Variants in MEGF6 observed in about 807,000 individuals in gnomAD.
The protein encoded by MEGF6 is multiple EGF like domains 6.
In MEGF6, 184 loss-of-function variants were observed where a neutral mutation model predicts 207.1. The ratio of observed to expected loss-of-function variants is 0.89; its 90% confidence interval spans 0.79 to 1.00. The LOEUF (loss-of-function observed/expected upper bound fraction) is 1.00. Ranked by LOEUF, MEGF6 falls within the 50% of genes least tolerant of loss-of-function variation. MEGF6 has a pLI of 0.00. For missense variants in MEGF6, 2,282 were observed against 2,202.9 expected (o/e 1.04, Z -0.72); for synonymous variants, 1,038 against 910.0 (o/e 1.14, Z -2.53).
At chr1:3,540,306 C>T (rs959549632) in intron 4 of MEGF6, among the ~76,000 whole-genome samples, 5 of 152,232 alleles carry the variant, frequency 3.3e-5, no homozygotes, top group Admixed American at 1.3e-4. Flanking sequence ...GACGCCCTGT[C>T]GGAAATGCTG....
In MEGF6 at chr1:3,607,989, G is replaced by C. The variant is rs377138409; in HGVS notation, c.131+3149C>G. Among the ~76,000 whole-genome samples, 145 of 152,260 alleles carry C rather than the reference G, an allele frequency of 9.5e-4. 1 individual carries two copies. Among genetic ancestry groups the C allele is most frequent in the African/African-American group, 3.4e-3 (140 of 41,558 alleles). On this transcript the variant is annotated intron_variant, in intron 1 of 36. Coordinates refer to ENST00000356575, the MANE Select transcript of MEGF6 (RefSeq NM_001409.4). Reference sequence around the variant, plus strand: ...CCTGGCTCAGCTCCCCAGCCTGGCTGAATGCAGCCCCTGAACAAACCCCTG... The same window carrying C: ...CCTGGCTCAGCTCCCCAGCCTGGCTCAATGCAGCCCCTGAACAAACCCCTG...
rs60571313 is a variant in MEGF6, at chr1:3,544,488, T to G, written c.482-20242A>C. On this transcript the variant is annotated intron_variant, in intron 4 of 36. Transcript: ENST00000356575. ...TGGCCTGGGTCAGTGGAGCTCCTCC[T>G]AGGAGGGACCCCCACGCAGCATCCT... is the stretch of plus-strand genomic sequence containing the variant. Among the ~76,000 whole-genome samples, 287 of 152,174 alleles carry G rather than the reference T, an allele frequency of 1.9e-3. 1 individual carries two copies. Among genetic ancestry groups the G allele is most frequent in the African/African-American group, 6.6e-3 (276 of 41,540 alleles).
rs185149696 is a variant in MEGF6 at position 3,541,768 on chromosome 1, C to T, written c.482-17522G>A. On this transcript the variant is annotated intron_variant, in intron 4 of 36. Coordinates refer to ENST00000356575, the MANE Select transcript of MEGF6 (RefSeq NM_001409.4). Reference sequence around the variant, plus strand: ...GCCCACAGTGGCAGCAGAGAGTGGGCGGGGATGGGTGGGAAGGGCAGAGCG... The same window carrying T: ...GCCCACAGTGGCAGCAGAGAGTGGGTGGGGATGGGTGGGAAGGGCAGAGCG... 4.9e-4 allele frequency among the ~76,000 whole-genome samples: 69 copies of T among 141,792 alleles called. 3 individuals carry two copies. The East Asian group carries it at 0.017, about 35-fold the overall frequency. The allele number at this position is 141,792 out of a possible 152,430, so 93.0% of individuals were successfully genotyped here.
chr1:3,517,111 A>T (rs1007310969), intron 5 of MEGF6, among the ~76,000 whole-genome samples: 5 of 152,148 alleles, frequency 3.3e-5, no homozygotes, highest in African/African-American at 1.2e-4. Flanking sequence ...GGCCCTGTTT[A>T]TTGTGTTCAC....
In MEGF6 at chr1:3,498,900, C is replaced by T. The variant is rs1036463296; in HGVS notation, c.3095-74G>A. ...CCACAGGGTCTGTCTGGCTTTCCAGCCCCATGTTGGACTTTGGGGTCAGGC... is the reference window on the plus strand; with the variant it reads ...CCACAGGGTCTGTCTGGCTTTCCAGTCCCATGTTGGACTTTGGGGTCAGGC... On this transcript the variant is annotated intron_variant, in intron 24 of 36. Transcript: ENST00000356575. 2.2e-4 allele frequency: 337 copies of T among 1,521,264 alleles called. 6 individuals carry two copies. The highest frequency in any genetic ancestry group is 1.8e-3 in the South Asian group (149 of 81,666). 94.2% of individuals were successfully genotyped at this position (1,521,264 alleles called of 1,614,324 possible).
intron 3 of MEGF6, among the ~76,000 whole-genome samples, chr1:3,587,278 G>C (rs1265430075): frequency 6.6e-6 from 1 of 152,250 alleles, no homozygotes; most frequent in Admixed American, 6.5e-5. Context: ...TGTCCTCGTG[G>C]AAAGAAGTCA....
chr1:3,527,814 C>T (rs775443459), intron 4 of MEGF6, among the ~76,000 whole-genome samples: 5 of 152,192 alleles, frequency 3.3e-5, no homozygotes, highest in Admixed American at 6.5e-5. Flanking sequence ...TGAAAAGTAA[C>T]GATGTAAGTG....
chr1:3,588,515 G>GGC (rs1557800169), intron 3 of MEGF6, among the ~76,000 whole-genome samples: 1 of 112,926 alleles, frequency 8.9e-6, no homozygotes, highest in Non-Finnish European at 1.9e-5. Flanking sequence ...GGCAGGAGGG[G>GGC]ATAGGAGTGG....
upstream of MEGF6, among the ~76,000 whole-genome samples, chr1:3,615,998 C>A (rs1465494320): frequency 6.6e-6 from 1 of 152,232 alleles, no homozygotes. Flanking sequence ...CACTACCTTT[C>A]CATGTTTTTG....
Position 3,560,840 on chromosome 1 carries a change from G to A in MEGF6, c.481+18985C>T, listed in dbSNP as rs1348375383. 6.8e-6 allele frequency: 3 copies of A among 443,468 alleles called. No homozygotes were observed. The highest frequency in any genetic ancestry group is 1.4e-4 in the East Asian group (2 of 13,832). 27.5% of individuals were successfully genotyped at this position (443,468 alleles called of 1,614,324 possible). Reference sequence around the variant, plus strand: ...GAACAGCCTCAGGCGTCGGCCGCGAGGGGGTTGCTGGGCTGGCTGGTCCCC... The same window carrying A: ...GAACAGCCTCAGGCGTCGGCCGCGAAGGGGTTGCTGGGCTGGCTGGTCCCC... On this transcript the variant is annotated intron_variant, in intron 4 of 36. Transcript: ENST00000356575. The surrounding 1 kb of genome is among the most constrained non-coding windows in gnomAD (Gnocchi z 4.0).
intron 4 of MEGF6, chr1:3,531,134 G>A: frequency 6.5e-7 from 1 of 1,529,990 alleles, no homozygotes; most frequent in Non-Finnish European, 8.8e-7. Flanking sequence ...AGGTGACATG[G>A]GTAGCAGCCC....
chr1:3,587,374 T>C (rs1399699401), intron 3 of MEGF6, among the ~76,000 whole-genome samples: 2 of 152,228 alleles, frequency 1.3e-5, no homozygotes, highest in African/African-American at 4.8e-5. Context: ...ATGCTTTTTG[T>C]CTTTGTTTGT....
At chr1:3,589,222 CT>C (rs148485508) in intron 3 of MEGF6, among the ~76,000 whole-genome samples, 2,089 of 152,276 alleles carry the variant, frequency 0.014, 49 homozygotes, top group African/African-American at 0.048. Flanking sequence ...GGACCCTCCC[CT>C]AGAGCCTCAG....
Position 3,507,909 on chromosome 1 carries a change from T to G in MEGF6, c.1675A>C (p.Thr559Pro). 6.2e-7 allele frequency: 1 copy of G among 1,611,586 alleles called. No homozygotes were observed. Among genetic ancestry groups the G allele is most frequent in the South Asian group, 1.1e-5 (1 of 91,044 alleles). ...LICNETCPPD[T>P]FGKNCSFSCS... ...GAGAAGCTGCAGTTCTTCCCAAAGG[T>G]GTCCGGAGGACAAGCTACAAAGAAT... The change falls in exon 14 of 37, where the codon ACC becomes CCC. Residue 559 changes from threonine to proline, a missense_variant. Coordinates refer to ENST00000356575, the MANE Select transcript of MEGF6 (RefSeq NM_001409.4).
intron 4 of MEGF6, among the ~76,000 whole-genome samples, chr1:3,534,848 C>T (rs1238562622): frequency 6.6e-6 from 1 of 152,140 alleles, no homozygotes; most frequent in Non-Finnish European, 1.5e-5. Flanking sequence ...CTCAGCACCC[C>T]ACCAGAGCCA....
intron 4 of MEGF6, among the ~76,000 whole-genome samples, chr1:3,568,744 G>C (rs1027004933): frequency 6.6e-6 from 1 of 152,054 alleles, no homozygotes; most frequent in Non-Finnish European, 1.5e-5. Context: ...AGGATGGGCC[G>C]TGAGCACCGC....
At position 3,604,894 on chromosome 1, in the gene MEGF6, T is replaced by A. The variant is rs1644219590; in HGVS notation, c.132-2294A>T. Among the ~76,000 whole-genome samples, 4 of 151,938 alleles carry A rather than the reference T, an allele frequency of 2.6e-5. No homozygotes were observed. In the South Asian group the frequency reaches 8.3e-4, roughly 32 times the overall value. On this transcript the variant is annotated intron_variant, in intron 1 of 36. Coordinates refer to ENST00000356575, the MANE Select transcript of MEGF6 (RefSeq NM_001409.4). ...TCTCCAGGGAGAGCCCTCCTCAGCCTCCCTGGGGCTGGGTCCTGACCTCAT... is the reference window on the plus strand; with the variant it reads ...TCTCCAGGGAGAGCCCTCCTCAGCCACCCTGGGGCTGGGTCCTGACCTCAT...
At chr1:3,550,839 C>T (rs1489771229) in intron 4 of MEGF6, among the ~76,000 whole-genome samples, 1 of 152,390 alleles carries the variant, frequency 6.6e-6, no homozygotes, top group African/African-American at 2.4e-5. Context: ...ACCGCCCGTG[C>T]ACTCACCCTG....
At chr1:3,514,927 C>T (rs1641488405) in intron 6 of MEGF6, among the ~76,000 whole-genome samples, 1 of 152,198 alleles carries the variant, frequency 6.6e-6, no homozygotes, top group African/African-American at 2.4e-5. Context: ...CTCCCACCAC[C>T]CTTCTTAGCC....
Sources: gnomAD v4.1 joint callset for allele counts (sites outside exome capture counted in the v4.1 genomes callset) on GRCh38, gnomAD v4.1.1 for gene constraint, Gnocchi (gnomAD v3.1) non-coding constraint, MANE v1.5 for transcripts, NCBI Gene and HGNC (gene_info 2026-07-23, HGNC 2026-07-21) for gene names.